CEP85L: variants seen among roughly 807,000 people sequenced by gnomAD.
CEP85L encodes centrosomal protein of 85 kDa-like.
In CEP85L, 60 loss-of-function variants were observed where a neutral mutation model predicts 100.3. The ratio of observed to expected loss-of-function variants is 0.60; its 90% confidence interval spans 0.49 to 0.74. The LOEUF is 0.74. Among genes scored for constraint, CEP85L ranks in the 30% least tolerant of loss-of-function variants. The pLI, the probability that CEP85L is intolerant of heterozygous loss-of-function variation, is 0.00. For missense variants in CEP85L, 973 were observed against 936.2 expected, an observed-to-expected ratio of 1.04 and a Z score of -0.51; for synonymous variants, 319 against 322.7, an observed-to-expected ratio of 0.99 and a Z score of 0.12.
At position 118,600,296 on chromosome 6, in the gene CEP85L, T is replaced by TGGGGGGG. The variant is rs1554228034; in HGVS notation, c.232+32156_232+32157insCCCCCCC. Among the ~76,000 whole-genome samples the TGGGGGGG allele has an allele frequency of 2.3e-3, 78 of 34,138 alleles. 15 individuals carry two copies. Among genetic ancestry groups the TGGGGGGG allele is most frequent in the Middle Eastern group, 0.029 (2 of 68 alleles). The allele number at this position is 34,138 out of a possible 152,430, so 22.4% of individuals were successfully genotyped here. A position where few individuals can be genotyped will look rare whatever the true frequency, so the allele number is the denominator to read the frequency against. ...AGTACTGCCTGTCCCTGAGCCTTCC[T>TGGGGGGG]GGGGGTGTGTGTGTGTGTGTGTGTG... On this transcript the variant is annotated intron_variant, in intron 2 of 12. Coordinates refer to ENST00000368491, the MANE Select transcript of CEP85L (RefSeq NM_001042475.3).
intron 10 of CEP85L, among the ~76,000 whole-genome samples, chr6:118,475,529 A>G (rs564178681): frequency 1.3e-5 from 2 of 151,398 alleles, no homozygotes; most frequent in African/African-American, 2.4e-5. Context: ...AATTTTTTGT[A>G]TTTTTAGTAG....
intron 11 of CEP85L, among the ~76,000 whole-genome samples, chr6:118,469,658 C>A (rs763313325): frequency 4.6e-5 from 7 of 152,020 alleles, no homozygotes; most frequent in African/African-American, 9.7e-5. Context: ...AGTACAGTGG[C>A]GCAATCATGA....
chr6:118,707,964 CT>C (rs1195632897), intron 1 of CEP85L, among the ~76,000 whole-genome samples: 3 of 52,714 alleles, frequency 5.7e-5, no homozygotes, highest in African/African-American at 1.6e-4. Flanking sequence ...GAAAGAGTTG[CT>C]TTTTTGGGGG....
intron 2 of CEP85L, among the ~76,000 whole-genome samples, chr6:118,611,822 C>T (rs1562308167): frequency 6.6e-6 from 1 of 152,138 alleles, no homozygotes; most frequent in Non-Finnish European, 1.5e-5. Context: ...TAAATGTCTA[C>T]ACACCAAACA....
chr6:118,600,440 C>T (rs1457116349), intron 2 of CEP85L, among the ~76,000 whole-genome samples: 1 of 149,942 alleles, frequency 6.7e-6, no homozygotes, highest in Non-Finnish European at 1.5e-5. Context: ...CCTGTCTCAG[C>T]CCCTCTGCTG....
In CEP85L at chr6:118,632,543, T is replaced by A. The variant is rs747823194; in HGVS notation, c.142A>T (p.Asn48Tyr). Residue 48 changes from asparagine (N) to tyrosine (Y), a missense_variant, in exon 2 of 13, where the codon AAC (asparagine) becomes TAC (tyrosine). Coordinates refer to ENST00000368491, the MANE Select transcript of CEP85L (RefSeq NM_001042475.3). The stretch of plus-strand genomic sequence containing the variant: ...CTCCTGATATGGTTATTTCGATGGT[T>A]AGATGGAACAGTTGTGGCCTGCCAC... ...SLWQATTVPSNHRNNHIRRHS... is the reference protein window; with the variant it reads ...SLWQATTVPSYHRNNHIRRHS... The A allele has an allele frequency of 1.2e-6, 2 of 1,613,344 alleles. No individual in the cohort carries two copies. Among genetic ancestry groups the A allele is most frequent in the South Asian group, 2.2e-5 (2 of 90,758 alleles).
chr6:118,585,212 T>C (rs901098678), intron 2 of CEP85L, among the ~76,000 whole-genome samples: 1 of 152,152 alleles, frequency 6.6e-6, no homozygotes, highest in East Asian at 1.9e-4. Flanking sequence ...AAAGGAAAGG[T>C]AGCTAACATT....
At chr6:118,594,362 A>G (rs1369112935) in intron 2 of CEP85L, among the ~76,000 whole-genome samples, 2 of 152,190 alleles carry the variant, frequency 1.3e-5, no homozygotes, top group Non-Finnish European at 2.9e-5. Flanking sequence ...TCTCAGTAAA[A>G]ACAACCAACT....
In CEP85L at chr6:118,659,028, C is replaced by G. The variant is rs557963814; in HGVS notation, c.-27-6220G>C. ...TGAACTCAGAAAAAAATCTTACAGA[C>G]TTTTTTTACAAGCAAGACTTAAAAG... is the stretch of plus-strand genomic sequence containing the variant. On this transcript the variant is annotated intron_variant, in intron 1 of 13. Transcript: ENST00000368488. Among the ~76,000 whole-genome samples, 145 of 152,192 alleles carry G rather than the reference C, an allele frequency of 9.5e-4. 2 individuals are homozygous for G. The highest frequency in any genetic ancestry group is 3.4e-3 in the African/African-American group (141 of 41,542).
intron 3 of CEP85L, among the ~76,000 whole-genome samples, chr6:118,530,361 T>TA (rs1777222358): frequency 7.1e-6 from 1 of 141,036 alleles, no homozygotes; most frequent in African/African-American, 2.7e-5. Context: ...GGAACATACT[T>TA]AAAAATAATA....
At position 118,566,142 on chromosome 6, in the gene CEP85L, T is replaced by C. The variant is rs1410463795; in HGVS notation, c.407A>G (p.His136Arg). The C allele has an allele frequency of 2.5e-6, 4 of 1,614,130 alleles. No individual in the cohort carries two copies. Among genetic ancestry groups the C allele is most frequent in the Non-Finnish European group, 3.4e-6 (4 of 1,180,012 alleles). The change falls in exon 3 of 13, where the codon CAC (histidine) becomes CGC (arginine). Residue 136 changes from histidine (H) to arginine (R), a missense_variant. Transcript: ENST00000368491. ...GGAAGAGTCCTGCTCCCCCCTACTG[T>C]GGTTTCCCAATGTTTGCATGAGGCT... ...STSLMQTLGN[H>R]SRGEQDSSLD...
chr6:118,558,873 T>A (rs773520639), intron 3 of CEP85L: 1 of 1,490,628 alleles, frequency 6.7e-7, no homozygotes, highest in South Asian at 1.1e-5. Flanking sequence ...CAGCTTTTTA[T>A]CTTTCTCTCG....
At chr6:118,701,601 T>C (rs555721971) in intron 1 of CEP85L, among the ~76,000 whole-genome samples, 18 of 152,188 alleles carry the variant, frequency 1.2e-4, no homozygotes, top group Middle Eastern at 3.4e-3. Context: ...AAGATGGCAA[T>C]GATAGAAACT....
intron 3 of CEP85L, among the ~76,000 whole-genome samples, chr6:118,545,114 ATCTC>A (rs1310015900): frequency 5.3e-5 from 8 of 152,312 alleles, no homozygotes; most frequent in Non-Finnish European, 1.2e-4. Context: ...ATTTTACTGT[ATCTC>A]TGTCTAAATA....
intron 1 of CEP85L, chr6:118,647,066 G>A (rs1316376190): frequency 1.0e-6 from 1 of 985,244 alleles, no homozygotes. Context: ...TGTTCAGTTG[G>A]GTTTAGGCCA....
chr6:118,557,623 C>T (rs1044238293), intron 3 of CEP85L, among the ~76,000 whole-genome samples: 2 of 152,128 alleles, frequency 1.3e-5, no homozygotes, highest in African/African-American at 4.8e-5. Context: ...GGCCTCCTAT[C>T]CAAGGTGGGT....
rs139565196 is a variant in CEP85L, at chr6:118,540,815, G to A, written c.1021-16895C>T. Among the ~76,000 whole-genome samples the A allele has an allele frequency of 4.7e-3, 710 of 151,998 alleles. 8 individuals carry two copies. The highest frequency in any genetic ancestry group is 0.016 in the African/African-American group (682 of 41,468). ...ATAAATAATGCTTTCTGACCCTTGC[G>A]GTCTAGCCTCATTTCAGTCAGACCT... On this transcript the variant is annotated intron_variant, in intron 3 of 12. Transcript: ENST00000368491.
At chr6:118,504,891 C>G (rs1397540543) in intron 5 of CEP85L, among the ~76,000 whole-genome samples, 4 of 151,752 alleles carry the variant, frequency 2.6e-5, no homozygotes, top group African/African-American at 9.7e-5. Context: ...GAAACAAATA[C>G]CATACATGTG....
chr6:118,551,842 G>C (rs776772392), intron 3 of CEP85L, among the ~76,000 whole-genome samples: 1 of 151,980 alleles, frequency 6.6e-6, no homozygotes, highest in Non-Finnish European at 1.5e-5. Context: ...TCCAAGTTTA[G>C]TATTAGGCAA....
Sources: gnomAD v4.1 joint callset for allele counts (sites outside exome capture counted in the v4.1 genomes callset) on GRCh38, gnomAD v4.1.1 for gene constraint, MANE v1.5 for transcripts, NCBI Gene and HGNC (gene_info 2026-07-23, HGNC 2026-07-21) for gene names.